The following ENAH variants were observed in gnomAD, a reference collection of about 807,000 sequenced individuals.
ENAH encodes ENAH actin regulator.
A neutral mutation model predicts 78.7 loss-of-function variants in ENAH; 23 were observed. That is an observed-to-expected ratio of 0.29 (90% confidence interval 0.21 to 0.41). ENAH has a LOEUF of 0.41. Among genes scored for constraint, ENAH ranks in the 10% least tolerant of loss-of-function variants. The pLI is 1.00. For missense variants in ENAH, 544 were observed against 691.0 expected (o/e 0.79, Z 2.39); for synonymous variants, 226 against 241.0 (o/e 0.94, Z 0.58).
At chr1:225,615,660 G>C (rs1390805867) in intron 1 of ENAH, among the ~76,000 whole-genome samples, 1 of 148,990 alleles carries the variant, frequency 6.7e-6, no homozygotes, top group African/African-American at 2.5e-5. Context: ...CCGCCACCCC[G>C]TCTGGGATGT....
At chr1:225,645,570 CTA>C (rs1661813514) in intron 1 of ENAH, among the ~76,000 whole-genome samples, 1 of 152,146 alleles carries the variant, frequency 6.6e-6, no homozygotes, top group African/African-American at 2.4e-5. Flanking sequence ...TACGATAACT[CTA>C]TGTTTAACTT....
chr1:225,507,677 T>A (rs960108447), intron 11 of ENAH, among the ~76,000 whole-genome samples: 1 of 152,144 alleles, frequency 6.6e-6, no homozygotes, highest in Admixed American at 6.5e-5. Flanking sequence ...TTCTGTAGTT[T>A]TGAATTTTTC....
chr1:225,551,506 A>G (rs2096640428), intron 3 of ENAH, among the ~76,000 whole-genome samples: 1 of 152,102 alleles, frequency 6.6e-6, no homozygotes, highest in South Asian at 2.1e-4. Flanking sequence ...TGAGCTAGTA[A>G]TTTTCAAATT....
At chr1:225,573,703 G>A (rs2096774452) in intron 1 of ENAH, among the ~76,000 whole-genome samples, 1 of 152,142 alleles carries the variant, frequency 6.6e-6, no homozygotes, top group Non-Finnish European at 1.5e-5. Context: ...TAGATAGACA[G>A]GATGCAAAAG....
At chr1:225,520,122 C>A (rs1277667872) in intron 4 of ENAH, among the ~76,000 whole-genome samples, 2 of 151,900 alleles carry the variant, frequency 1.3e-5, no homozygotes, top group African/African-American at 4.8e-5. Context: ...GGTGAAACCC[C>A]ATCTCTACCA....
At chr1:225,581,744 A>G (rs2096819305) in intron 1 of ENAH, among the ~76,000 whole-genome samples, 1 of 151,992 alleles carries the variant, frequency 6.6e-6, no homozygotes, top group African/African-American at 2.4e-5. Context: ...CCCAGGCTGG[A>G]GTGCAGTGGT....
intron 3 of ENAH, among the ~76,000 whole-genome samples, chr1:225,550,409 C>G (rs575886069): frequency 6.6e-6 from 1 of 152,230 alleles, no homozygotes; most frequent in East Asian, 1.9e-4. Flanking sequence ...TTCCCAGTGC[C>G]TAACACAGTT....
chr1:225,532,528 AT>A (rs2096543054), intron 3 of ENAH, among the ~76,000 whole-genome samples: 1 of 152,150 alleles, frequency 6.6e-6, no homozygotes, highest in African/African-American at 2.4e-5. Flanking sequence ...CAAAGGTAAT[AT>A]TAATGGATTA....
chr1:225,651,206 C>T lies in ENAH; in HGVS notation c.5+1480G>A, dbSNP rs553294347. 4.2e-4 allele frequency among the ~76,000 whole-genome samples: 64 copies of T among 152,004 alleles called. 1 individual carries two copies. The highest frequency in any genetic ancestry group is 8.2e-4 in the Non-Finnish European group (56 of 67,960). ...TATTTGAAAATAACTTGTGTGAAAT[C>T]ATCAAGGGAAAAGGGGTCAGTCGCC... is the stretch of plus-strand genomic sequence containing the variant. On this transcript the variant is annotated intron_variant, in intron 1 of 13. Coordinates refer to ENST00000366843, the MANE Select transcript of ENAH (RefSeq NM_018212.6).
chr1:225,621,295 T>TTAATCAACCA, intron 1 of ENAH, among the ~76,000 whole-genome samples: 3 of 150,218 alleles, frequency 2.0e-5, no homozygotes, highest in African/African-American at 7.3e-5. Flanking sequence ...AATCTATCTC[T>TTAATCAACCA]CTTTTTTTTT....
intron 1 of ENAH, among the ~76,000 whole-genome samples, chr1:225,615,928 T>TA (rs1420938662): frequency 6.6e-6 from 1 of 152,196 alleles, no homozygotes. Flanking sequence ...ATCAGATTGT[T>TA]ACTGTGTCTG....
chr1:225,595,125 G>A (rs1025175557), intron 1 of ENAH, among the ~76,000 whole-genome samples: 1 of 152,136 alleles, frequency 6.6e-6, no homozygotes, highest in African/African-American at 2.4e-5. Flanking sequence ...ACAAGGTCAG[G>A]AGTTCGAGAC....
intron 1 of ENAH, among the ~76,000 whole-genome samples, chr1:225,648,069 G>T (rs754901860): frequency 2.0e-5 from 3 of 152,174 alleles, no homozygotes; most frequent in Non-Finnish European, 2.9e-5. Context: ...CTGACAAGGA[G>T]TCCCCTTCTT....
intron 1 of ENAH, among the ~76,000 whole-genome samples, chr1:225,569,828 T>C (rs942547499): frequency 1.3e-4 from 20 of 152,132 alleles, no homozygotes; most frequent in African/African-American, 4.8e-4. Context: ...TGAGGTGTTA[T>C]TGGAGAGGTA....
At chr1:225,574,033 C>A (rs2096775980) in intron 1 of ENAH, among the ~76,000 whole-genome samples, 1 of 152,148 alleles carries the variant, frequency 6.6e-6, no homozygotes, top group Non-Finnish European at 1.5e-5. Context: ...TGTTATGATA[C>A]TGAGTCATTC....
intron 1 of ENAH, among the ~76,000 whole-genome samples, chr1:225,578,843 A>T (rs1459186795): frequency 6.6e-6 from 1 of 152,222 alleles, no homozygotes; most frequent in Non-Finnish European, 1.5e-5. Context: ...TTAGTCAGTT[A>T]TAAAGAATCC....
intron 1 of ENAH, chr1:225,581,336 G>A (rs1030849314): frequency 1.0e-6 from 1 of 975,592 alleles, no homozygotes; most frequent in Non-Finnish European, 1.2e-6. Context: ...AAGCACCGTA[G>A]AGTTAAAAAT....
intron 12 of ENAH, among the ~76,000 whole-genome samples, chr1:225,498,655 G>A (rs766299068): frequency 3.3e-5 from 5 of 152,154 alleles, no homozygotes; most frequent in African/African-American, 7.2e-5. Flanking sequence ...TAATTACTCT[G>A]TCATCCAGTG....
intron 1 of ENAH, among the ~76,000 whole-genome samples, chr1:225,598,895 T>C (rs538546892): frequency 6.7e-6 from 1 of 148,990 alleles, no homozygotes; most frequent in Non-Finnish European, 1.5e-5. Context: ...AGTTAGGGAG[T>C]GTTAGTTATT....
Sources: allele counts gnomAD v4.1 joint callset (sites outside exome capture counted in the v4.1 genomes callset), GRCh38; gene constraint gnomAD v4.1.1; transcripts MANE v1.5; gene names NCBI Gene and HGNC (gene_info 2026-07-23, HGNC 2026-07-21).